The following MYH10 variants were observed in gnomAD, a reference collection of about 807,000 sequenced individuals.
MYH10 encodes myosin-10.
Under a neutral mutation model 257.8 loss-of-function variants are expected in MYH10, and 55 were observed. That is an observed-to-expected ratio of 0.21 (90% CI 0.17 to 0.27). MYH10 has a LOEUF of 0.27. Among genes scored for constraint, MYH10 ranks in the 10% least tolerant of loss-of-function variants. The pLI, the probability that MYH10 is intolerant of heterozygous loss-of-function variation, is 1.00. For missense variants in MYH10, 1,631 were observed against 2,500.6 expected (o/e 0.65, Z 7.42); for synonymous variants, 854 against 921.7 (o/e 0.93, Z 1.33).
intron 40 of MYH10, among the ~76,000 whole-genome samples, chr17:8,478,891 T>C (rs1043355070): frequency 2.0e-5 from 3 of 152,110 alleles, no homozygotes; most frequent in Non-Finnish European, 4.4e-5. Context: ...ACCACCACGC[T>C]GGGCTAATTT....
chr17:8,553,527 A>G (rs954329871), intron 8 of MYH10, among the ~76,000 whole-genome samples: 11 of 152,070 alleles, frequency 7.2e-5, no homozygotes, highest in African/African-American at 2.7e-4. Flanking sequence ...TGTACTTGAC[A>G]TTTTATTTTT....
chr17:8,538,999 G>A lies in MYH10; in HGVS notation c.1606-3068C>T, dbSNP rs114530835. On this transcript the variant is annotated intron_variant, in intron 14 of 42. Coordinates refer to ENST00000360416, the MANE Select transcript of MYH10 (RefSeq NM_001256012.3). ...GATCAATGGGTTGTTGAGGAGGTGGGTTAGTTATCATGAGAGCGGGTCTGT... is the reference window on the plus strand; with the variant it reads ...GATCAATGGGTTGTTGAGGAGGTGGATTAGTTATCATGAGAGCGGGTCTGT... Among the ~76,000 whole-genome samples, 801 of 152,174 alleles carry A rather than the reference G, an allele frequency of 5.3e-3. 6 individuals carry two copies. Among genetic ancestry groups the A allele is most frequent in the African/African-American group, 0.018 (743 of 41,518 alleles).
At chr17:8,577,149 T>C (rs987403216) in intron 5 of MYH10, 87 bp downstream of exon 5, 1 of 993,196 alleles carries the variant, frequency 1.0e-6, no homozygotes, top group African/African-American at 1.6e-5. Flanking sequence ...GTTATAGCAG[T>C]GTGGAGAGTA....
chr17:8,622,597 C>T (rs1415008764), intron 2 of MYH10, among the ~76,000 whole-genome samples: 1 of 152,168 alleles, frequency 6.6e-6, no homozygotes, highest in East Asian at 1.9e-4. Flanking sequence ...CTTATTAAAC[C>T]TTCTGGTCTT....
At chr17:8,483,445 A>C (rs1470593196) in intron 37 of MYH10, among the ~76,000 whole-genome samples, 1 of 152,192 alleles carries the variant, frequency 6.6e-6, no homozygotes, top group Non-Finnish European at 1.5e-5. Flanking sequence ...TGACACCTAG[A>C]GAGCCGTCCT....
intron 3 of MYH10, among the ~76,000 whole-genome samples, chr17:8,596,671 G>A (rs2084383850): frequency 6.9e-6 from 1 of 145,152 alleles, no homozygotes; most frequent in South Asian, 2.3e-4. Context: ...GGAGGGAGGG[G>A]GAGTAGGAGG....
intron 1 of MYH10, among the ~76,000 whole-genome samples, chr17:8,624,857 C>A (rs1023245743): frequency 1.3e-5 from 2 of 152,156 alleles, no homozygotes; most frequent in Non-Finnish European, 2.9e-5. Context: ...TATTTGAGAC[C>A]AGCCTGGGCA....
At chr17:8,547,838 ATTTGGGTCACAAACT>A (rs2082495996) in intron 11 of MYH10, among the ~76,000 whole-genome samples, 1 of 148,012 alleles carries the variant, frequency 6.8e-6, no homozygotes, top group African/African-American at 2.5e-5. Flanking sequence ...ATATATATAT[ATTTGGGTCACAAACT>A]TTTGTTCCTG....
Position 8,520,609 on chromosome 17 carries a change from T to C in MYH10, c.2273+269A>G, listed in dbSNP as rs187163712. ...TTCTATGTTTATCTCAAAGCTAACT[T>C]CAGGGCCCTGAAAACATGGCATGTT... On this transcript the variant is annotated intron_variant, in intron 19 of 42. Coordinates refer to ENST00000360416, the MANE Select transcript of MYH10 (RefSeq NM_001256012.3). Among the ~76,000 whole-genome samples the C allele has an allele frequency of 4.9e-4, 75 of 152,330 alleles. No individual in the cohort carries two copies. The East Asian group carries it at 0.013, about 27-fold the overall frequency.
intron 16 of MYH10, among the ~76,000 whole-genome samples, chr17:8,534,382 C>A (rs1221081850): frequency 1.3e-5 from 2 of 152,230 alleles, no homozygotes; most frequent in Non-Finnish European, 2.9e-5. Context: ...TTCAGTGCAT[C>A]CCCCCCTGCA....
At position 8,530,700 on chromosome 17, in the gene MYH10, C is replaced by G. The variant is rs753451033; in HGVS notation, c.1895-15G>C. 1 of 1,539,448 alleles carries G rather than the reference C, an allele frequency of 6.5e-7. No individual in the cohort carries two copies. The highest frequency in any genetic ancestry group is 1.2e-5 in the South Asian group (1 of 82,962). ...ATTCTGAATCTCTAAAGCAGAGAAA[C>G]AGCAAAAACAGGACAGAAGAGCAAA... On this transcript the variant is annotated splice_polypyrimidine_tract_variant and intron_variant, in intron 16 of 42. Coordinates refer to ENST00000360416, the MANE Select transcript of MYH10 (RefSeq NM_001256012.3).
At chr17:8,495,301 A>G in intron 30 of MYH10, 60 bp from the exon 31 acceptor site, 1 of 1,079,584 alleles carries the variant, frequency 9.3e-7, no homozygotes, top group Non-Finnish European at 1.4e-6. Flanking sequence ...GGGTCTAGAA[A>G]CACAGCTTTT....
chr17:8,481,558 C>T (rs1164234833), intron 37 of MYH10, 148 bp from the exon 38 acceptor site: 2 of 657,574 alleles, frequency 3.0e-6, no homozygotes, highest in East Asian at 3.0e-5. Context: ...ATTAAACTGT[C>T]AAGAAAATCT....
chr17:8,537,780 A>G (rs1188638104), intron 14 of MYH10, among the ~76,000 whole-genome samples: 1 of 152,238 alleles, frequency 6.6e-6, no homozygotes, highest in Non-Finnish European at 1.5e-5. Flanking sequence ...CATGATCATG[A>G]ATATCATTAC....
At chr17:8,586,788 T>C (rs1291804223) in intron 4 of MYH10, among the ~76,000 whole-genome samples, 2 of 152,222 alleles carry the variant, frequency 1.3e-5, no homozygotes, top group Non-Finnish European at 2.9e-5. Context: ...ATTCCCTCCC[T>C]AAGTGCTTCC....
rs1293081616 is a variant in MYH10, at chr17:8,499,314, C to T, written c.3907G>A (p.Asp1303Asn). Residue 1303 changes from aspartate to asparagine, a missense_variant, in exon 30 of 43, where the codon GAC (aspartate) becomes AAC (asparagine). Physicochemically the swap from Asp to Asn is conservative, Grantham distance 23. Coordinates refer to ENST00000360416, the MANE Select transcript of MYH10 (RefSeq NM_001256012.3). The stretch of plus-strand genomic sequence containing the variant: ...TCCGCCAGCTCCACCCTGAGCCTGT[C>T]GCCTTCAGAGACCTTGGCATGGAGC... Reference protein sequence around the residue: ...QELHAKVSEGDRLRVELAEKA... With the variant: ...QELHAKVSEGNRLRVELAEKA... The T allele has an allele frequency of 5.0e-6, 8 of 1,614,084 alleles. No individual in the cohort carries two copies. The highest frequency in any genetic ancestry group is 1.1e-5 in the South Asian group (1 of 91,078).
chr17:8,511,545 A>G (rs370979505), intron 24 of MYH10, among the ~76,000 whole-genome samples: 1 of 152,318 alleles, frequency 6.6e-6, no homozygotes. Flanking sequence ...AAACAAAAAC[A>G]AAAACAAACC....
intron 26 of MYH10, among the ~76,000 whole-genome samples, chr17:8,507,283 A>T (rs557356155): frequency 3.9e-5 from 6 of 152,308 alleles, no homozygotes; most frequent in Non-Finnish European, 8.8e-5. Flanking sequence ...AACCCCAAAT[A>T]TTTTTTAAAA....
chr17:8,486,791 G>A (rs1914888426), intron 36 of MYH10, among the ~76,000 whole-genome samples: 2 of 152,094 alleles, frequency 1.3e-5, no homozygotes, highest in South Asian at 4.1e-4. Context: ...TAGATGGTTA[G>A]CAGTCCATTG....
Sources: gnomAD v4.1 joint callset for allele counts (sites outside exome capture counted in the v4.1 genomes callset) on GRCh38, gnomAD v4.1.1 for gene constraint, MANE v1.5 for transcripts, NCBI Gene and HGNC (gene_info 2026-07-23, HGNC 2026-07-21) for gene names.